Variants in EBF3 observed in about 807,000 individuals in gnomAD.
The protein encoded by EBF3 is EBF transcription factor 3, also known as transcription factor COE3.
Under a neutral mutation model 77.1 loss-of-function variants are expected in EBF3, and 18 were observed. That is an observed-to-expected ratio of 0.23 (90% CI 0.16 to 0.35). The LOEUF (loss-of-function observed/expected upper bound fraction) is 0.35, where lower values mean the gene tolerates loss of function less well. EBF3 is among the 10% of genes least tolerant of loss of function. The pLI is 1.00. For missense variants in EBF3, 558 were observed against 860.0 expected (o/e 0.65, Z 4.39); for synonymous variants, 350 against 343.5 (o/e 1.02, Z -0.21).
chr10:129,840,366 G>C lies in EBF3; in HGVS notation c.1638C>G (p.Phe546Leu). ...PSNCSSTHGIFSFSPANVISA... is the reference protein window; with the variant it reads ...PSNCSSTHGILSFSPANVISA... ...AGATGACATTGGCAGGTGAGAATGA[G>C]AAAATGCCGTGTGTGCTGCTACAGT... Residue 546 changes from phenylalanine (F) to leucine (L), a missense_variant, in exon 15 of 17, where the codon TTC (phenylalanine) becomes TTG (leucine). Physicochemically the swap from Phe to Leu is conservative, Grantham distance 22 (BLOSUM62 0). Around this residue, in one of 5 missense-constraint regions of EBF3, gnomAD observed 284 missense variants for 368.3 expected, o/e 0.77. Coordinates refer to ENST00000440978, the MANE Select transcript of EBF3 (RefSeq NM_001375380.1). 1 of 1,561,932 alleles carries C rather than the reference G, an allele frequency of 6.4e-7. No homozygotes were observed.
intron 6 of EBF3, among the ~76,000 whole-genome samples, chr10:129,940,615 C>T (rs1028392328): frequency 1.3e-5 from 2 of 152,182 alleles, no homozygotes; most frequent in Non-Finnish European, 2.9e-5. Context: ...CACTTAAAAC[C>T]ATGAGCTGCT....
chr10:129,927,331 A>G (rs1408068497), intron 6 of EBF3, among the ~76,000 whole-genome samples: 1 of 152,218 alleles, frequency 6.6e-6, no homozygotes, highest in Non-Finnish European at 1.5e-5. Flanking sequence ...TCTAAATTCA[A>G]TTAAATACAT....
rs1392460986 is a variant in EBF3, at chr10:129,879,038, C to G, written c.555-1189G>C. On this transcript the variant is annotated intron_variant, in intron 6 of 16. Transcript: ENST00000440978. The surrounding 1 kb of genome is among the most constrained non-coding windows in gnomAD (Gnocchi z 4.7). Reference sequence around the variant, plus strand: ...TGGCATGAAGATTCAGGGGTCCTGACAGTGTGTTGAGATGCTGTGACTAAA... The same window carrying G: ...TGGCATGAAGATTCAGGGGTCCTGAGAGTGTGTTGAGATGCTGTGACTAAA... Among the ~76,000 whole-genome samples, 1 of 152,090 alleles carries G rather than the reference C, an allele frequency of 6.6e-6. No individual in the cohort carries two copies. The highest frequency in any genetic ancestry group is 2.4e-5 in the African/African-American group (1 of 41,386).
intron 4 of EBF3, among the ~76,000 whole-genome samples, chr10:129,960,034 G>A (rs1363326129): frequency 6.6e-6 from 1 of 151,922 alleles, no homozygotes; most frequent in Non-Finnish European, 1.5e-5. Context: ...CGGCTCCGCC[G>A]CTGGGAACCC....
chr10:129,837,693 G>A lies in EBF3; in HGVS notation c.*250C>T. ...CTTATTCTTCAGGACTGAGAAATGT[G>A]AAAATATGAGAAAAGTTCAGTCAAT... is the stretch of plus-strand genomic sequence containing the variant. On this transcript the variant is annotated 3_prime_UTR_variant, in exon 17 of 17. Transcript: ENST00000440978. The A allele has an allele frequency of 1.8e-6, 1 of 542,100 alleles. No individual in the cohort carries two copies. Among genetic ancestry groups the A allele is most frequent in the Non-Finnish European group, 3.2e-6 (1 of 307,730 alleles). 33.6% of individuals were successfully genotyped at this position (542,100 alleles called of 1,614,324 possible).
chr10:129,864,035 C>T lies in EBF3; in HGVS notation c.1039+3106G>A, dbSNP rs1048021629. Among the ~76,000 whole-genome samples the T allele has an allele frequency of 1.3e-5, 2 of 152,142 alleles. No individual in the cohort carries two copies. Among genetic ancestry groups the T allele is most frequent in the African/African-American group, 4.8e-5 (2 of 41,440 alleles). ...TGTGCCTGAGAAGCCCAGTCAGCCC[C>T]AGAGTGGGCACAATATGGGCTGCAG... On this transcript the variant is annotated intron_variant, in intron 10 of 16. Coordinates refer to ENST00000440978, the MANE Select transcript of EBF3 (RefSeq NM_001375380.1). This position sits in a 1 kb window ranked among gnomAD's most constrained non-coding sequence, Gnocchi z 4.4.
chr10:129,917,934 T>C (rs1010300188), intron 6 of EBF3, among the ~76,000 whole-genome samples: 1 of 152,218 alleles, frequency 6.6e-6, no homozygotes, highest in Non-Finnish European at 1.5e-5. Context: ...ATAACAATCA[T>C]GAACTGTCCT....
chr10:129,873,274 A>G (rs2134106920), intron 8 of EBF3, among the ~76,000 whole-genome samples, 178 bp downstream of exon 8: 1 of 152,328 alleles, frequency 6.6e-6, no homozygotes, highest in African/African-American at 2.4e-5. Context: ...GAGAAGAGAA[A>G]GCCTAGGAGG....
Position 129,864,574 on chromosome 10 carries a change from C to T in EBF3, c.1039+2567G>A, listed in dbSNP as rs1268468629. 6.6e-6 allele frequency among the ~76,000 whole-genome samples: 1 copy of T among 152,216 alleles called. No individual in the cohort carries two copies. The highest frequency in any genetic ancestry group is 2.4e-5 in the African/African-American group (1 of 41,458). ...AAAGATCTGAACTCATGAAAGGATC[C>T]ACTGAAGGCATCCACTAAAGCATTC... On this transcript the variant is annotated intron_variant, in intron 10 of 16. Coordinates refer to ENST00000440978, the MANE Select transcript of EBF3 (RefSeq NM_001375380.1). This position sits in a 1 kb window ranked among gnomAD's most constrained non-coding sequence, Gnocchi z 4.4.
At chr10:129,908,679 C>T (rs1855311326) in intron 6 of EBF3, among the ~76,000 whole-genome samples, 1 of 152,218 alleles carries the variant, frequency 6.6e-6, no homozygotes, top group East Asian at 1.9e-4. Flanking sequence ...TGGCGTTGAT[C>T]GGATTTCCCT....
chr10:129,959,707 C>T (rs1859340675), intron 4 of EBF3, among the ~76,000 whole-genome samples: 1 of 151,864 alleles, frequency 6.6e-6, no homozygotes, highest in East Asian at 2.0e-4. Context: ...GCGACCTGGC[C>T]TCTGCACGCT....
At chr10:129,889,341 G>A (rs934384694) in intron 6 of EBF3, among the ~76,000 whole-genome samples, 5 of 152,238 alleles carry the variant, frequency 3.3e-5, no homozygotes, top group Non-Finnish European at 5.9e-5. Context: ...AGGGCTTCTC[G>A]GACGGGCCTC....
chr10:129,908,719 T>C (rs1855313555), intron 6 of EBF3, among the ~76,000 whole-genome samples: 1 of 152,230 alleles, frequency 6.6e-6, no homozygotes, highest in African/African-American at 2.4e-5. Flanking sequence ...GGAGACATCA[T>C]GGACACAGGC....
intron 6 of EBF3, among the ~76,000 whole-genome samples, chr10:129,878,886 A>AT: frequency 6.6e-6 from 1 of 151,586 alleles, no homozygotes; most frequent in African/African-American, 2.4e-5. Context: ...TTAACCAAGA[A>AT]TTCTTGAGGC....
In EBF3 at chr10:129,963,752, T is replaced by C; in HGVS notation, c.17A>G (p.Glu6Gly). 1.3e-6 allele frequency: 2 copies of C among 1,524,888 alleles called. No individual in the cohort carries two copies. Among genetic ancestry groups the C allele is most frequent in the Non-Finnish European group, 1.8e-6 (2 of 1,127,808 alleles). 94.5% of individuals were successfully genotyped at this position (1,524,888 alleles called of 1,614,324 possible). The change falls in exon 1 of 17, where the codon GAG (glutamate) becomes GGG (glycine). Residue 6 changes from glutamate to glycine, a missense_variant. Around this residue, in one of 5 missense-constraint regions of EBF3, gnomAD observed 64 missense variants for 54.5 expected, o/e 1.18. Coordinates refer to ENST00000440978, the MANE Select transcript of EBF3 (RefSeq NM_001375380.1). This position sits in a 1 kb window ranked among gnomAD's most constrained non-coding sequence, Gnocchi z 7.1. Reference sequence around the variant, plus strand: ...GGTCGTCCCCCCGCGCGGAATATTCTCCTGAATCCCAAACATGAAAACTGC... The same window carrying C: ...GGTCGTCCCCCCGCGCGGAATATTCCCCTGAATCCCAAACATGAAAACTGC... MFGIQ[E>G]NIPRGGTTMK...
intron 5 of EBF3, 51 bp downstream of exon 5, chr10:129,958,883 A>T: frequency 6.4e-7 from 1 of 1,563,704 alleles, no homozygotes. Context: ...TTGTAGACGC[A>T]GCTGGCGCCG....
At position 129,963,702 on chromosome 10, in the gene EBF3, C is replaced by T. The variant is rs746403949; in HGVS notation, c.67G>A (p.Gly23Ser). The T allele has an allele frequency of 2.6e-6, 4 of 1,533,758 alleles. No homozygotes were observed. The highest frequency in any genetic ancestry group is 1.4e-5 in the African/African-American group (1 of 69,572). ...ATCCACGAGCGCACCGGGTTCATGCCGCTGCCCAGCGGCTCCTCCTTCATG... is the reference window on the plus strand; with the variant it reads ...ATCCACGAGCGCACCGGGTTCATGCTGCTGCCCAGCGGCTCCTCCTTCATG... ...TTMKEEPLGS[G>S]MNPVRSWMHT... Residue 23 changes from glycine to serine, a missense_variant, in exon 1 of 17, where the codon GGC becomes AGC. Physicochemically the swap from Gly to Ser is moderately conservative, Grantham distance 56. Coordinates refer to ENST00000440978, the MANE Select transcript of EBF3 (RefSeq NM_001375380.1). This position sits in a 1 kb window ranked among gnomAD's most constrained non-coding sequence, Gnocchi z 7.1.
intron 6 of EBF3, among the ~76,000 whole-genome samples, chr10:129,953,841 G>A (rs889234251): frequency 1.2e-4 from 18 of 152,206 alleles, no homozygotes; most frequent in African/African-American, 2.9e-4. Context: ...GGGATGGCAC[G>A]AGCAAGTGAT....
intron 15 of EBF3, 147 bp from the exon 16 acceptor site, chr10:129,839,342 C>A (rs1316771107): frequency 5.2e-6 from 2 of 386,112 alleles, no homozygotes; most frequent in Admixed American, 6.4e-5. Context: ...TAAGTGCCTG[C>A]GGGCCTCAGC....
Sources: allele counts gnomAD v4.1 joint callset (sites outside exome capture counted in the v4.1 genomes callset), GRCh38; gene constraint gnomAD v4.1.1; regional missense constraint gnomAD v4.1.1; non-coding constraint Gnocchi (gnomAD v3.1); transcripts MANE v1.5; gene names NCBI Gene and HGNC (gene_info 2026-07-23, HGNC 2026-07-21).